PCDHGA4: variants seen among roughly 807,000 people sequenced by gnomAD.
PCDHGA4 encodes the protein protocadherin gamma-A4.
PCDHGA4 carries 38 observed loss-of-function variants against 54.6 expected under a neutral mutation model. The observed-to-expected ratio is 0.70, with a 90% CI of 0.54 to 0.91. PCDHGA4 has a LOEUF of 0.91. Among genes scored for constraint, PCDHGA4 ranks in the 40% least tolerant of loss-of-function variants. The pLI is 0.00. For missense variants in PCDHGA4, 1,298 were observed against 1,220.9 expected (o/e 1.06, Z -0.94); for synonymous variants, 511 against 512.9 (o/e 1.00, Z 0.05).
At chr5:141,504,483 AGGCACC>A (rs2099838618) in intron 2 of PCDHGA4, among the ~76,000 whole-genome samples, 1 of 151,954 alleles carries the variant, frequency 6.6e-6, no homozygotes, top group Non-Finnish European at 1.5e-5. Flanking sequence ...AGTACAGTGG[AGGCACC>A]TGCCCAGTCT....
intron 1 of PCDHGA4, chr5:141,365,125 C>A (rs373921082): frequency 1.2e-6 from 2 of 1,613,766 alleles, no homozygotes; most frequent in African/African-American, 1.3e-5. Context: ...TCATGCTAAC[C>A]GCCACGGATC....
intron 1 of PCDHGA4, chr5:141,372,712 A>C (rs781319922): frequency 1.2e-6 from 2 of 1,613,946 alleles, no homozygotes; most frequent in South Asian, 2.2e-5. Flanking sequence ...ATAAAGGCTG[A>C]AAATGCTGCA....
chr5:141,394,968 T>A, intron 1 of PCDHGA4: 1 of 1,613,938 alleles, frequency 6.2e-7, no homozygotes, highest in Non-Finnish European at 8.5e-7. Flanking sequence ...GCTGAGGCGC[T>A]GGCACAAGTC....
At chr5:141,391,576 T>A (rs1172672552) in intron 1 of PCDHGA4, 1 of 152,236 alleles carries the variant, frequency 6.6e-6, no homozygotes, top group Non-Finnish European at 1.5e-5. Flanking sequence ...AGAAAATATA[T>A]TCACAGGAAA....
intron 1 of PCDHGA4, chr5:141,366,238 C>T (rs376279746): frequency 6.2e-7 from 1 of 1,613,786 alleles, no homozygotes; most frequent in South Asian, 1.1e-5. Flanking sequence ...TGGACAGAGA[C>T]GCGCTCAAGC....
intron 1 of PCDHGA4, chr5:141,383,669 T>C (rs1208890643): frequency 1.2e-6 from 2 of 1,613,784 alleles, no homozygotes; most frequent in Non-Finnish European, 1.7e-6. Flanking sequence ...AATGTGCCAG[T>C]GGGTACAAGA....
chr5:141,393,534 G>T, intron 1 of PCDHGA4: 1 of 1,613,928 alleles, frequency 6.2e-7, no homozygotes, highest in Non-Finnish European at 8.5e-7. Context: ...CAATGCCCCG[G>T]TTTTTCCTCA....
chr5:141,414,648 T>G (rs2095770464), intron 1 of PCDHGA4: 2 of 1,613,844 alleles, frequency 1.2e-6, no homozygotes, highest in Non-Finnish European at 1.7e-6. Context: ...ATGCCCAGAT[T>G]ATTTACTCCC....
chr5:141,468,463 T>G (rs574151637), intron 1 of PCDHGA4: 6 of 152,282 alleles, frequency 3.9e-5, no homozygotes, highest in African/African-American at 1.4e-4. Flanking sequence ...AGCAAGTTAT[T>G]TCTGAGGAGA....
In PCDHGA4 at chr5:141,400,247, T is replaced by C; in HGVS notation, c.2514+42626T>C. 1 of 1,614,050 alleles carries C rather than the reference T, an allele frequency of 6.2e-7. No homozygotes were observed. Among genetic ancestry groups the C allele is most frequent in the East Asian group, 2.2e-5 (1 of 44,884 alleles). ...TTCCTCCTGGCCGTGATTCTGGCCG[T>C]TGCCTTGCGCCTGCGACGCTCCTCC... On this transcript the variant is annotated intron_variant, in intron 1 of 3. Transcript: ENST00000571252.
rs1226463441 is a variant in PCDHGA4, at chr5:141,432,906, T to A, written c.2515-61901T>A. 6.2e-7 allele frequency: 1 copy of A among 1,614,176 alleles called. No individual in the cohort carries two copies. The highest frequency in any genetic ancestry group is 8.5e-7 in the Non-Finnish European group (1 of 1,180,002). ...GTCATCTTGCTGCTGGCGCTCAGGC[T>A]GCGGCGCTGGCACAAGTCACGCCTG... On this transcript the variant is annotated intron_variant, in intron 1 of 3. Coordinates refer to ENST00000571252, the MANE Select transcript of PCDHGA4 (RefSeq NM_018917.4). The surrounding 1 kb of genome is among the most constrained non-coding windows in gnomAD (Gnocchi z 6.0).
At chr5:141,414,678 G>A (rs1276367800) in intron 1 of PCDHGA4, 14 of 1,613,856 alleles carry the variant, frequency 8.7e-6, no homozygotes, top group African/African-American at 1.3e-5. Context: ...ACACCATCCA[G>A]GGGGTACCTC....
chr5:141,478,716 G>T, intron 1 of PCDHGA4: 1 of 1,545,206 alleles, frequency 6.5e-7, no homozygotes. Flanking sequence ...TGAGATGGTG[G>T]CCTGCCAGAG....
At chr5:141,454,123 C>CT (rs1273558932) in intron 1 of PCDHGA4, among the ~76,000 whole-genome samples, 5 of 152,194 alleles carry the variant, frequency 3.3e-5, no homozygotes, top group Non-Finnish European at 7.3e-5. Flanking sequence ...GAAGAAATAG[C>CT]TGACCATGGG....
rs766182165 is a variant in PCDHGA4 at position 141,478,048 on chromosome 5, C to T, written c.2515-16759C>T. ...ACACAGATTCACCCAGGCAGACTCT[C>T]ACGGTCTTGATCAAAGACAATGGGG... On this transcript the variant is annotated intron_variant, in intron 1 of 3. Transcript: ENST00000571252. 5.6e-6 allele frequency: 9 copies of T among 1,614,040 alleles called. No homozygotes were observed. In the Admixed American group the frequency reaches 1.0e-4, roughly 18 times the overall value.
chr5:141,507,151 G>C (rs1423834553), intron 3 of PCDHGA4: 2 of 152,192 alleles, frequency 1.3e-5, no homozygotes, highest in African/African-American at 4.8e-5. Context: ...TATTACCTGA[G>C]CAGGATGAGA....
Position 141,356,818 on chromosome 5 carries a change from C to T in PCDHGA4, c.1711C>T (p.Pro571Ser). ...GATGACAGCCAGTGACAGTGGAGACCCTCCACTCAGCAGCAATGTGTCACT... is the reference window on the plus strand; with the variant it reads ...GATGACAGCCAGTGACAGTGGAGACTCTCCACTCAGCAGCAATGTGTCACT... ...LLMTASDSGDPPLSSNVSLSL... is the reference protein window; with the variant it reads ...LLMTASDSGDSPLSSNVSLSL... The change falls in exon 1 of 4, where the codon CCT becomes TCT. Residue 571 changes from proline (P) to serine (S), a missense_variant. Pro to Ser is a moderately conservative substitution (Grantham distance 74). Coordinates refer to ENST00000571252, the MANE Select transcript of PCDHGA4 (RefSeq NM_018917.4). The T allele has an allele frequency of 6.2e-7, 1 of 1,613,982 alleles. No individual in the cohort carries two copies. Among genetic ancestry groups the T allele is most frequent in the Non-Finnish European group, 8.5e-7 (1 of 1,179,866 alleles).
At position 141,372,796 on chromosome 5, in the gene PCDHGA4, G is replaced by A. The variant is rs1466519427; in HGVS notation, c.2514+15175G>A. ...AATCCAGAAATGCCTTCTAATTCAG[G>A]CAATTTGCAAAAGGTGAGTTTCTTC... On this transcript the variant is annotated intron_variant, in intron 1 of 3. Coordinates refer to ENST00000571252, the MANE Select transcript of PCDHGA4 (RefSeq NM_018917.4). 7.5e-6 allele frequency: 12 copies of A among 1,597,700 alleles called. No individual in the cohort carries two copies. Among genetic ancestry groups the A allele is most frequent in the Non-Finnish European group, 1.0e-5 (12 of 1,171,762 alleles).
chr5:141,436,267 T>C (rs2097805427), intron 1 of PCDHGA4, among the ~76,000 whole-genome samples: 1 of 152,198 alleles, frequency 6.6e-6, no homozygotes, highest in South Asian at 2.1e-4. Flanking sequence ...TCTGCTCACC[T>C]AACTTGATTT....
Sources: gnomAD v4.1 joint callset for allele counts (sites outside exome capture counted in the v4.1 genomes callset) on GRCh38, gnomAD v4.1.1 for gene constraint, Gnocchi (gnomAD v3.1) non-coding constraint, MANE v1.5 for transcripts, NCBI Gene and HGNC (gene_info 2026-07-23, HGNC 2026-07-21) for gene names.